TCERG1: variants seen among roughly 807,000 people sequenced by gnomAD.
TCERG1 encodes the protein TATA box binding protein (TBP)-associated factor, RNA polymerase II, S, 150kD.
Under a neutral mutation model 144.7 loss-of-function variants are expected in TCERG1, and 37 were observed. The ratio of observed to expected loss-of-function variants is 0.26; its 90% CI spans 0.20 to 0.34. TCERG1 has a LOEUF of 0.34. TCERG1 is among the 10% of genes least tolerant of loss of function. TCERG1 has a pLI of 1.00. For synonymous variants in TCERG1, 492 were observed against 458.2 expected (o/e 1.07, Z -0.94); for missense variants, 1,027 against 1,380.7 (o/e 0.74, Z 4.06).
chr5:146,472,021 A>C (rs769975284), intron 9 of TCERG1, among the ~76,000 whole-genome samples: 7 of 152,182 alleles, frequency 4.6e-5, no homozygotes, highest in Admixed American at 2.6e-4. Context: ...CCTTTGTTGT[A>C]TTTGAGTTAT....
intron 21 of TCERG1, among the ~76,000 whole-genome samples, chr5:146,508,689 A>G (rs562954464): frequency 1.1e-4 from 16 of 152,324 alleles, no homozygotes; most frequent in Non-Finnish European, 1.9e-4. Flanking sequence ...CTAAATGCTC[A>G]TTACTGTGTA....
intron 1 of TCERG1, 57 bp from the exon 2 acceptor site, chr5:146,454,999 T>A: frequency 6.4e-7 from 1 of 1,567,956 alleles, no homozygotes; most frequent in Non-Finnish European, 8.8e-7. Context: ...TAGAGATCAG[T>A]AGCTACATTT....
In TCERG1 at chr5:146,491,868, A is replaced by G. The variant is rs569469823; in HGVS notation, c.2164-1052A>G. On this transcript the variant is annotated intron_variant, in intron 15 of 22. Transcript: ENST00000679501. ...TGTAGACATACGTAAGGGTATAAGCATGGCTGTTCAGTTAAAGCTTTATTT... is the reference window on the plus strand; with the variant it reads ...TGTAGACATACGTAAGGGTATAAGCGTGGCTGTTCAGTTAAAGCTTTATTT... 3.3e-5 allele frequency among the ~76,000 whole-genome samples: 5 copies of G among 152,322 alleles called. 1 individual carries two copies. The South Asian group carries it at 8.3e-4, about 25-fold the overall frequency.
chr5:146,457,105 TTACTTTTGAATAGAATTCAG>T (rs1221768430), intron 2 of TCERG1, 58 bp from the exon 3 acceptor site: 16 of 1,548,318 alleles, frequency 1.0e-5, no homozygotes, highest in Non-Finnish European at 1.4e-5. Flanking sequence ...TTACAGTGTT[TTACTTTTGAATAGAATTCAG>T]TAATAATTTG....
intron 9 of TCERG1, among the ~76,000 whole-genome samples, chr5:146,473,712 A>G (rs568689368): frequency 5.0e-4 from 76 of 152,192 alleles, no homozygotes; most frequent in Non-Finnish European, 7.8e-4. Flanking sequence ...TGCTTTATAA[A>G]TGGAACAGCA....
intron 22 of TCERG1, among the ~76,000 whole-genome samples, chr5:146,509,648 A>G (rs1768300094): frequency 6.6e-6 from 1 of 152,142 alleles, no homozygotes; most frequent in East Asian, 1.9e-4. Context: ...CTAAAGCATG[A>G]AATCATCTAT....
intron 6 of TCERG1, among the ~76,000 whole-genome samples, 174 bp downstream of exon 6, chr5:146,468,577 A>G (rs570859364): frequency 2.6e-5 from 4 of 152,184 alleles, no homozygotes; most frequent in Non-Finnish European, 4.4e-5. Flanking sequence ...AATTTTCCCA[A>G]TTGCCTGTAG....
At chr5:146,467,229 CCCAGGAGTT>C in intron 5 of TCERG1, among the ~76,000 whole-genome samples, 1 of 151,876 alleles carries the variant, frequency 6.6e-6, no homozygotes, top group Admixed American at 6.6e-5. Flanking sequence ...TGTATACAAA[CCCAGGAGTT>C]TAATTTTACT....
chr5:146,472,763 G>T (rs1389038392), intron 9 of TCERG1, among the ~76,000 whole-genome samples: 1 of 145,448 alleles, frequency 6.9e-6, no homozygotes, highest in Non-Finnish European at 1.5e-5. Context: ...GCCCAGGCTG[G>T]AGTGCAGTGG....
intron 18 of TCERG1, 85 bp from the exon 19 acceptor site, chr5:146,503,738 AT>A: frequency 4.7e-6 from 7 of 1,482,368 alleles, no homozygotes; most frequent in Non-Finnish European, 4.5e-6. Flanking sequence ...TAGATTTGGA[AT>A]TTTTTATTTG....
chr5:146,483,697 A>G (rs1765568134), intron 15 of TCERG1, 68 bp downstream of exon 15: 1 of 1,225,428 alleles, frequency 8.2e-7, no homozygotes, highest in Non-Finnish European at 1.2e-6. Flanking sequence ...ATTATAAGGA[A>G]TAAAGTACCA....
chr5:146,488,195 A>G (rs544011756), intron 15 of TCERG1, among the ~76,000 whole-genome samples: 1 of 152,344 alleles, frequency 6.6e-6, no homozygotes, highest in South Asian at 2.1e-4. Context: ...GACTGGGAAA[A>G]GATTTTACAA....
Position 146,479,836 on chromosome 5 carries a change from T to C in TCERG1, c.1763-19T>C. 1 of 1,613,076 alleles carries C rather than the reference T, an allele frequency of 6.2e-7. No individual in the cohort carries two copies. Among genetic ancestry groups the C allele is most frequent in the Non-Finnish European group, 8.5e-7 (1 of 1,179,390 alleles). ...ATATGCAAATGACTTTGTAACAATA[T>C]TTGAAATGTTTTTGCCAGGGCACCC... is the stretch of plus-strand genomic sequence containing the variant. On this transcript the variant is annotated intron_variant, in intron 10 of 22. Coordinates refer to ENST00000679501, the MANE Select transcript of TCERG1 (RefSeq NM_001382548.1).
chr5:146,464,472 A>G (rs913680127), intron 5 of TCERG1, among the ~76,000 whole-genome samples: 1 of 152,258 alleles, frequency 6.6e-6, no homozygotes, highest in African/African-American at 2.4e-5. Context: ...TTAAATTGTT[A>G]TGGTGAATTA....
intron 9 of TCERG1, among the ~76,000 whole-genome samples, chr5:146,473,418 C>T (rs542080743): frequency 1.3e-5 from 2 of 152,274 alleles, no homozygotes; most frequent in South Asian, 2.1e-4. Flanking sequence ...GGAAGCAGCA[C>T]GTGCTGATGT....
intron 15 of TCERG1, 117 bp downstream of exon 15, chr5:146,483,746 C>A: frequency 1.4e-6 from 1 of 727,882 alleles, no homozygotes. Flanking sequence ...AAAATATAGT[C>A]TTGCATCTTA....
chr5:146,498,660 G>C lies in TCERG1; in HGVS notation c.2407G>C (p.Glu803Gln). The C allele has an allele frequency of 6.2e-7, 1 of 1,611,774 alleles. No individual in the cohort carries two copies. The highest frequency in any genetic ancestry group is 8.5e-7 in the Non-Finnish European group (1 of 1,179,098). The change falls in exon 17 of 23, where the codon GAA becomes CAA. Residue 803 changes from glutamate (E) to glutamine (Q), a missense_variant. Transcript: ENST00000679501. Reference sequence around the variant, plus strand: ...GGCCGCTGCTAGGAAGAAAGAGAAAGAAGATTCGAAGACCAGAGGTGAGAA... The same window carrying C: ...GGCCGCTGCTAGGAAGAAAGAGAAACAAGATTCGAAGACCAGAGGTGAGAA... ...FVAAARKKEKEDSKTRGEKIK... is the reference protein window; with the variant it reads ...FVAAARKKEKQDSKTRGEKIK...
intron 15 of TCERG1, among the ~76,000 whole-genome samples, chr5:146,490,353 C>A (rs990438105): frequency 6.6e-6 from 1 of 152,170 alleles, no homozygotes; most frequent in South Asian, 2.1e-4. Context: ...TAAAGATGTT[C>A]ATAGAGCTGT....
At chr5:146,495,821 T>C (rs1428520844) in intron 16 of TCERG1, among the ~76,000 whole-genome samples, 2 of 152,240 alleles carry the variant, frequency 1.3e-5, no homozygotes, top group South Asian at 2.1e-4. Flanking sequence ...TTATTTTTTT[T>C]CTTCTAAAAC....
Sources: gnomAD v4.1 joint callset for allele counts (sites outside exome capture counted in the v4.1 genomes callset) on GRCh38, gnomAD v4.1.1 for gene constraint, MANE v1.5 for transcripts, NCBI Gene and HGNC (gene_info 2026-07-23, HGNC 2026-07-21) for gene names.